CFTR: variants seen among roughly 807,000 people sequenced by gnomAD.
The protein encoded by CFTR is CF transmembrane conductance regulator.
Under a neutral mutation model 171.6 loss-of-function variants are expected in CFTR, and 181 were observed. The ratio of observed to expected loss-of-function variants is 1.05; its 90% CI spans 0.93 to 1.19. The LOEUF (loss-of-function observed/expected upper bound fraction) is 1.19. CFTR is among the 50% of genes most tolerant of loss of function. The pLI, the probability that CFTR is intolerant of heterozygous loss-of-function variation, is 0.00. For missense variants in CFTR, 1,968 were observed against 1,734.7 expected, an observed-to-expected ratio of 1.13 and a Z score of -2.39; for synonymous variants, 583 against 608.0, an observed-to-expected ratio of 0.96 and a Z score of 0.60.
At chr7:117,483,861 A>G (rs1266342522) in intron 1 of CFTR, among the ~76,000 whole-genome samples, 1 of 152,162 alleles carries the variant, frequency 6.6e-6, no homozygotes, top group Non-Finnish European at 1.5e-5. Context: ...GGCGTAAGCC[A>G]CCTCACCCTG....
intron 23 of CFTR, among the ~76,000 whole-genome samples, chr7:117,648,069 G>GTA (rs5886870): frequency 0.16 from 22,885 of 144,402 alleles, 2,289 homozygotes; most frequent in East Asian, 0.31. Flanking sequence ...ATGTATATAT[G>GTA]TATATATATA....
intron 10 of CFTR, among the ~76,000 whole-genome samples, chr7:117,553,971 T>C (rs544269142): frequency 6.6e-6 from 1 of 152,236 alleles, no homozygotes; most frequent in Admixed American, 6.5e-5. Flanking sequence ...AGGAGGTCAC[T>C]GAGGCTGGCA....
intron 10 of CFTR, among the ~76,000 whole-genome samples, chr7:117,553,176 T>C (rs2115917552): frequency 6.6e-6 from 1 of 151,888 alleles, no homozygotes; most frequent in Non-Finnish European, 1.5e-5. Flanking sequence ...TTCCTGTTGT[T>C]TATAAGCCAC....
At chr7:117,524,684 A>G (rs767393219) in intron 3 of CFTR, among the ~76,000 whole-genome samples, 1 of 152,176 alleles carries the variant, frequency 6.6e-6, no homozygotes, top group Admixed American at 6.5e-5. Context: ...GGAACTTTGT[A>G]AAAAACATCC....
chr7:117,497,447 G>T lies in CFTR; in HGVS notation c.54-6806G>T, dbSNP rs140499760. Among the ~76,000 whole-genome samples the T allele has an allele frequency of 5.9e-5, 9 of 152,258 alleles. No individual in the cohort carries two copies. In the East Asian group the frequency reaches 1.7e-3, roughly 29 times the overall value. ...TGCTTTATAGACAACATTGAATTTGGCTCTCATGAACATCAGGAATAGTGG... is the reference window on the plus strand; with the variant it reads ...TGCTTTATAGACAACATTGAATTTGTCTCTCATGAACATCAGGAATAGTGG... On this transcript the variant is annotated intron_variant, in intron 1 of 26. Coordinates refer to ENST00000003084, the MANE Select transcript of CFTR (RefSeq NM_000492.4).
intron 1 of CFTR, 51 bp from the exon 2 acceptor site, chr7:117,504,202 T>C (rs779202824): frequency 3.8e-6 from 4 of 1,064,612 alleles, no homozygotes; most frequent in Non-Finnish European, 5.9e-6. Context: ...ATTCCAAATC[T>C]GTATGGAGAC....
intron 6 of CFTR, 29 bp from the exon 7 acceptor site, chr7:117,536,519 G>A (rs1464822602): frequency 4.1e-6 from 6 of 1,477,228 alleles, no homozygotes. Context: ...CTATTAGATT[G>A]ATTGATTGAT....
chr7:117,614,790 G>T (rs1584824347), intron 21 of CFTR, 77 bp downstream of exon 21: 1 of 878,968 alleles, frequency 1.1e-6, no homozygotes, highest in East Asian at 2.5e-5. Context: ...GCATGAGGAA[G>T]AACTATATAC....
At chr7:117,660,134 A>C (rs34331324) in intron 24 of CFTR, among the ~76,000 whole-genome samples, 35,149 of 151,882 alleles carry the variant, frequency 0.23, 4,384 homozygotes, top group African/African-American at 0.25. Flanking sequence ...ATGAAGCTGG[A>C]AAATTCTTTT....
intron 11 of CFTR, among the ~76,000 whole-genome samples, chr7:117,567,000 T>C (rs1230904824): frequency 6.6e-6 from 1 of 152,160 alleles, no homozygotes; most frequent in African/African-American, 2.4e-5. Flanking sequence ...AACAGTAATA[T>C]ACAAATATAA....
At position 117,528,034 on chromosome 7, in the gene CFTR, CA is replaced by C. The variant is rs992267753; in HGVS notation, c.274-2859del. Among the ~76,000 whole-genome samples, 23 of 132,486 alleles carry C rather than the reference CA, an allele frequency of 1.7e-4. 2 individuals are homozygous for C. The highest frequency in any genetic ancestry group is 6.4e-4 in the African/African-American group (23 of 35,920). The allele number at this position is 132,486 out of a possible 152,430, so 86.9% of individuals were successfully genotyped here. ...AACTACTTTAAAGTTCATATGGAAC[CA>C]AAAAAGAGCCCGCATCGCCAAGTCA... On this transcript the variant is annotated intron_variant, in intron 3 of 26. Transcript: ENST00000003084.
At chr7:117,507,446 C>G (rs2237722) in intron 2 of CFTR, among the ~76,000 whole-genome samples, 86,405 of 152,124 alleles carry the variant, frequency 0.57, 27,789 homozygotes, top group African/African-American at 0.88. Flanking sequence ...ACATTACTTC[C>G]GTGTGGACCA....
intron 10 of CFTR, among the ~76,000 whole-genome samples, chr7:117,556,146 C>A (rs1411579194): frequency 6.6e-6 from 1 of 151,808 alleles, no homozygotes; most frequent in Non-Finnish European, 1.5e-5. Flanking sequence ...CTCACTGCAA[C>A]CTCTGCCTCC....
chr7:117,543,972 A>G (rs140395166), intron 9 of CFTR, among the ~76,000 whole-genome samples: 22 of 152,284 alleles, frequency 1.4e-4, no homozygotes, highest in African/African-American at 5.3e-4. Context: ...GCACTCTGAA[A>G]TCTCTTTCTC....
Position 117,601,996 on chromosome 7 carries a change from CCTT to C in CFTR, c.2620-829_2620-827del, listed in dbSNP as rs1330970896. On this transcript the variant is annotated intron_variant, in intron 15 of 26. Coordinates refer to ENST00000003084, the MANE Select transcript of CFTR (RefSeq NM_000492.4). ...AATAATATGTTTTAACCTGAATGTA[CCTT>C]ATCTTTATTCATAAACTGTGACTTT... Among the ~76,000 whole-genome samples, 5 of 152,228 alleles carry C rather than the reference CCTT, an allele frequency of 3.3e-5. No individual in the cohort carries two copies. In the East Asian group the frequency reaches 9.6e-4, roughly 29 times the overall value.
chr7:117,581,849 C>G (rs1457515904), intron 11 of CFTR, among the ~76,000 whole-genome samples: 4 of 152,110 alleles, frequency 2.6e-5, no homozygotes, highest in African/African-American at 9.7e-5. Context: ...CTCCTGGGCT[C>G]AAGCGATCCT....
chr7:117,581,477 C>A lies in CFTR; in HGVS notation c.1585-6262C>A, dbSNP rs147735349. Among the ~76,000 whole-genome samples the A allele has an allele frequency of 5.9e-5, 9 of 152,168 alleles. No homozygotes were observed. In the East Asian group the frequency reaches 9.7e-4, roughly 16 times the overall value. On this transcript the variant is annotated intron_variant, in intron 11 of 26. Coordinates refer to ENST00000003084, the MANE Select transcript of CFTR (RefSeq NM_000492.4). ...ATGGAAATGAATGTCATATATAGATCATTGATAAATATCTCATTACAAAAT... is the reference window on the plus strand; with the variant it reads ...ATGGAAATGAATGTCATATATAGATAATTGATAAATATCTCATTACAAAAT...
At chr7:117,576,469 G>A (rs968180316) in intron 11 of CFTR, among the ~76,000 whole-genome samples, 4 of 151,244 alleles carry the variant, frequency 2.6e-5, no homozygotes, top group African/African-American at 7.4e-5. Context: ...ATTTATATAA[G>A]GGTCTTGAGC....
chr7:117,516,433 T>C (rs1798597433), intron 3 of CFTR, among the ~76,000 whole-genome samples: 1 of 152,172 alleles, frequency 6.6e-6, no homozygotes, highest in Non-Finnish European at 1.5e-5. Context: ...GTATATAAGA[T>C]AGGGCCTAGA....
Sources: allele counts gnomAD v4.1 joint callset (sites outside exome capture counted in the v4.1 genomes callset), GRCh38; gene constraint gnomAD v4.1.1; transcripts MANE v1.5; gene names NCBI Gene and HGNC (gene_info 2026-07-23, HGNC 2026-07-21).